Variants in FOXP1 observed in about 807,000 individuals in gnomAD.
The protein encoded by FOXP1 is forkhead box protein P1.
Under a neutral mutation model 98.2 loss-of-function variants are expected in FOXP1, and 15 were observed. The ratio of observed to expected loss-of-function variants is 0.15; its 90% CI spans 0.10 to 0.24. The LOEUF is 0.24. Among genes scored for constraint, FOXP1 ranks in the 10% least tolerant of loss-of-function variants. The probability of loss-of-function intolerance (pLI) is 1.00; values close to 1 mark genes in which losing one functional copy is unlikely to be tolerated. For synonymous variants in FOXP1, 371 were observed against 314.5 expected, an observed-to-expected ratio of 1.18 and a Z score of -1.90; for missense variants, 633 against 848.5, an observed-to-expected ratio of 0.75 and a Z score of 3.15.
intron 3 of FOXP1, among the ~76,000 whole-genome samples, chr3:71,456,600 T>C (rs1345214004): frequency 6.6e-6 from 1 of 152,134 alleles, no homozygotes; most frequent in East Asian, 1.9e-4. Context: ...CTCAGGACAA[T>C]GTATTTGTCT....
intron 3 of FOXP1, among the ~76,000 whole-genome samples, chr3:71,375,135 C>T (rs902019390): frequency 2.6e-5 from 4 of 152,156 alleles, no homozygotes; most frequent in African/African-American, 9.7e-5. Flanking sequence ...AAATCTGTTA[C>T]CAGTTCAGTA....
chr3:71,405,949 C>T (rs1233778757), intron 3 of FOXP1, among the ~76,000 whole-genome samples: 1 of 151,910 alleles, frequency 6.6e-6, no homozygotes, highest in Non-Finnish European at 1.5e-5. Flanking sequence ...AGGGTGGTCT[C>T]GAACTCCTGA....
intron 3 of FOXP1, among the ~76,000 whole-genome samples, chr3:71,432,041 C>T (rs62246015): frequency 0.24 from 36,370 of 152,168 alleles, 5,170 homozygotes; most frequent in Non-Finnish European, 0.33. Context: ...GGCTGCTAGT[C>T]TTTGAAAACC....
intron 3 of FOXP1, among the ~76,000 whole-genome samples, chr3:71,369,475 A>T (rs1346758997): frequency 6.6e-6 from 1 of 152,174 alleles, no homozygotes; most frequent in African/African-American, 2.4e-5. Context: ...GCTCACTGCA[A>T]CCTCTGCCTC....
intron 11 of FOXP1, 74 bp from the exon 12 acceptor site, chr3:71,015,727 A>T: frequency 9.7e-7 from 1 of 1,033,212 alleles, no homozygotes; most frequent in Non-Finnish European, 1.5e-6. Flanking sequence ...AGGATAAAAA[A>T]GGCAGGAGGA....
At chr3:71,437,128 CAG>C (rs1014553845) in intron 3 of FOXP1, among the ~76,000 whole-genome samples, 1 of 152,060 alleles carries the variant, frequency 6.6e-6, no homozygotes, top group African/African-American at 2.4e-5. Context: ...AAAAGGAAAA[CAG>C]AGCTGGGCAT....
At chr3:71,059,487 A>G (rs2051168804) in intron 7 of FOXP1, among the ~76,000 whole-genome samples, 1 of 152,214 alleles carries the variant, frequency 6.6e-6, no homozygotes, top group Non-Finnish European at 1.5e-5. Flanking sequence ...TAAAGTTTAC[A>G]TAAATTAAAT....
intron 11 of FOXP1, among the ~76,000 whole-genome samples, chr3:71,032,840 A>C (rs949411057): frequency 1.1e-4 from 17 of 152,168 alleles, no homozygotes; most frequent in Non-Finnish European, 2.1e-4. Context: ...GTCATTTATT[A>C]TAAGAATAGG....
chr3:71,297,365 A>G (rs2073405376), intron 5 of FOXP1, among the ~76,000 whole-genome samples: 1 of 151,948 alleles, frequency 6.6e-6, no homozygotes, highest in African/African-American at 2.4e-5. Context: ...TTTAACTTTC[A>G]ACAATATTAC....
chr3:71,276,307 T>C (rs902329405), intron 5 of FOXP1: 2 of 152,146 alleles, frequency 1.3e-5, no homozygotes, highest in Admixed American at 6.5e-5. Flanking sequence ...CAAAAGGTAG[T>C]CTGTGAGCTC....
At chr3:71,169,429 C>T (rs1414804592) in intron 6 of FOXP1, among the ~76,000 whole-genome samples, 1 of 152,104 alleles carries the variant, frequency 6.6e-6, no homozygotes, top group Non-Finnish European at 1.5e-5. Context: ...CATGCAGGGA[C>T]ATGATATTTT....
At chr3:71,311,935 C>T (rs969544711) in intron 4 of FOXP1, among the ~76,000 whole-genome samples, 2 of 152,150 alleles carry the variant, frequency 1.3e-5, no homozygotes, top group Admixed American at 1.3e-4. Flanking sequence ...CAACTATGAC[C>T]CAAGGCGAGG....
intron 3 of FOXP1, among the ~76,000 whole-genome samples, chr3:71,429,477 T>TGGGGGTGG (rs2084486850): frequency 1.9e-4 from 1 of 5,144 alleles, no homozygotes; most frequent in Non-Finnish European, 3.8e-4. Flanking sequence ...CGTGAGAACT[T>TGGGGGTGG]GGGGGTGGGG....
chr3:71,112,849 C>T (rs998205038), intron 6 of FOXP1, among the ~76,000 whole-genome samples: 4 of 152,176 alleles, frequency 2.6e-5, no homozygotes, highest in East Asian at 1.9e-4. Context: ...GTTTCATCCA[C>T]GGTTCCACAG....
At chr3:70,992,694 A>G (rs2040790542) in intron 13 of FOXP1, among the ~76,000 whole-genome samples, 1 of 152,198 alleles carries the variant, frequency 6.6e-6, no homozygotes, top group African/African-American at 2.4e-5. Context: ...TTATTATTAA[A>G]GACTCTCTTG....
intron 6 of FOXP1, among the ~76,000 whole-genome samples, chr3:71,145,469 A>G (rs913691383): frequency 5.9e-5 from 9 of 152,096 alleles, no homozygotes; most frequent in Non-Finnish European, 1.0e-4. Context: ...CTTGAACCGG[A>G]GGGCAGAGGT....
chr3:70,973,146 A>G (rs1270668991), intron 17 of FOXP1, among the ~76,000 whole-genome samples: 14 of 152,196 alleles, frequency 9.2e-5, no homozygotes, highest in African/African-American at 3.4e-4. Context: ...TAAAACTTCC[A>G]GAGGTCCTAT....
chr3:71,038,945 C>A (rs773191655), intron 11 of FOXP1, among the ~76,000 whole-genome samples: 33 of 152,152 alleles, frequency 2.2e-4, no homozygotes, highest in Non-Finnish European at 4.1e-4. Flanking sequence ...AGATTACAGG[C>A]ATGAACCACT....
chr3:71,031,781 GAAC>G (rs1189686174), intron 11 of FOXP1, among the ~76,000 whole-genome samples: 1 of 152,122 alleles, frequency 6.6e-6, no homozygotes, highest in Non-Finnish European at 1.5e-5. Context: ...GAGAGAGCAA[GAAC>G]AACAAAACCC....
Sources: allele counts gnomAD v4.1 joint callset (sites outside exome capture counted in the v4.1 genomes callset), GRCh38; gene constraint gnomAD v4.1.1; transcripts MANE v1.5; gene names NCBI Gene and HGNC (gene_info 2026-07-23, HGNC 2026-07-21).